Variants in GRAMD1C observed in about 807,000 individuals in gnomAD.
GRAMD1C encodes the protein protein Aster-C.
GRAMD1C carries 89 observed loss-of-function variants against 97.8 expected under a neutral mutation model. That is an observed-to-expected ratio of 0.91 (90% CI 0.77 to 1.09). The LOEUF (loss-of-function observed/expected upper bound fraction) is 1.09. GRAMD1C is among the 50% of genes least tolerant of loss of function. GRAMD1C has a pLI of 0.00. For synonymous variants in GRAMD1C, 256 were observed against 267.0 expected, an observed-to-expected ratio of 0.96 and a Z score of 0.40; for missense variants, 740 against 766.4, an observed-to-expected ratio of 0.97 and a Z score of 0.41.
intron 3 of GRAMD1C, 88 bp from the exon 4 acceptor site, chr3:113,875,396 T>A: frequency 1.5e-6 from 1 of 679,646 alleles, no homozygotes. Flanking sequence ...CAAAAAGTGA[T>A]GACTTTCCAT....
intron 7 of GRAMD1C, among the ~76,000 whole-genome samples, chr3:113,902,990 G>A (rs1872823): frequency 6.7e-6 from 1 of 148,824 alleles, no homozygotes; most frequent in African/African-American, 2.5e-5. Context: ...TTTTGGAGAT[G>A]GAGTCTCACT....
At chr3:113,855,966 G>A (rs1934110599) in intron 2 of GRAMD1C, among the ~76,000 whole-genome samples, 1 of 151,336 alleles carries the variant, frequency 6.6e-6, no homozygotes, top group Non-Finnish European at 1.5e-5. Flanking sequence ...TCAGCTCACT[G>A]CAACCTCCGC....
At chr3:113,875,029 T>C (rs767319701) in intron 3 of GRAMD1C, among the ~76,000 whole-genome samples, 8 of 152,214 alleles carry the variant, frequency 5.3e-5, no homozygotes, top group Non-Finnish European at 1.0e-4. Flanking sequence ...CCCAAAGATC[T>C]AATAGTTCCT....
chr3:113,933,386 GT>G, intron 11 of GRAMD1C, 124 bp from the exon 12 acceptor site: 1 of 655,512 alleles, frequency 1.5e-6, no homozygotes, highest in South Asian at 2.0e-5. Flanking sequence ...TTTTAGCTTT[GT>G]ATATAGGTTT....
At chr3:113,917,966 G>C (rs1013465509) in intron 10 of GRAMD1C, among the ~76,000 whole-genome samples, 1 of 147,508 alleles carries the variant, frequency 6.8e-6, no homozygotes, top group South Asian at 2.1e-4. Flanking sequence ...GCCTCCCAAA[G>C]AGCTGGGATT....
At chr3:113,874,256 T>C (rs972317690) in intron 3 of GRAMD1C, among the ~76,000 whole-genome samples, 2 of 152,224 alleles carry the variant, frequency 1.3e-5, no homozygotes, top group African/African-American at 4.8e-5. Context: ...CAGTACAGTT[T>C]ACATTCTCCA....
rs568873333 is a variant in GRAMD1C, at chr3:113,923,917, T to C, written c.1091-6797T>C. On this transcript the variant is annotated intron_variant, in intron 10 of 17. Coordinates refer to ENST00000358160, the MANE Select transcript of GRAMD1C (RefSeq NM_017577.5). ...TGAATCCATCGGGTCCTGGGCTTTTTTTGATTGATAGGTTTTTAATTACTG... is the reference window on the plus strand; with the variant it reads ...TGAATCCATCGGGTCCTGGGCTTTTCTTGATTGATAGGTTTTTAATTACTG... 1.8e-4 allele frequency among the ~76,000 whole-genome samples: 27 copies of C among 152,260 alleles called. No homozygotes were observed. The South Asian group carries it at 5.0e-3, about 28-fold the overall frequency.
At chr3:113,840,258 C>T (rs530862337) in intron 1 of GRAMD1C, among the ~76,000 whole-genome samples, 1 of 152,230 alleles carries the variant, frequency 6.6e-6, no homozygotes, top group South Asian at 2.1e-4. Flanking sequence ...GAGCCACCAC[C>T]GCGCCCGGCC....
chr3:113,884,645 A>C (rs111309210), intron 6 of GRAMD1C, among the ~76,000 whole-genome samples: 4,668 of 152,112 alleles, frequency 0.031, 230 homozygotes, highest in African/African-American at 0.11. Flanking sequence ...ATCCTGGCTA[A>C]CATGTGTTAT....
chr3:113,880,754 G>A (rs1430028988), intron 5 of GRAMD1C, among the ~76,000 whole-genome samples: 3 of 152,134 alleles, frequency 2.0e-5, no homozygotes, highest in Non-Finnish European at 1.5e-5. Flanking sequence ...ATTTTCATAT[G>A]TAATTCTTAT....
chr3:113,924,091 GT>G (rs34202021), intron 10 of GRAMD1C, among the ~76,000 whole-genome samples: 22,404 of 133,482 alleles, frequency 0.17, 1,793 homozygotes, highest in Non-Finnish European at 0.21. Context: ...AGTCTCTGGG[GT>G]TTTTTTTTTT....
chr3:113,875,672 T>C (rs764468691), intron 4 of GRAMD1C, 85 bp downstream of exon 4: 12 of 687,830 alleles, frequency 1.7e-5, no homozygotes, highest in Non-Finnish European at 2.9e-5. Context: ...CTTTAGATGA[T>C]TCCAAAGTAA....
chr3:113,945,439 A>G lies in GRAMD1C; in HGVS notation c.1950A>G (p.Leu650=). ...SLIMLQKTFD[L]LNKNKTGMAV... ...TTATGCTTCAGAAAACGTTTGATCT[A>G]CTAAATAAGAATAAGACTGGCATGG... Residue 650 remains leucine (L), a synonymous_variant, in exon 18 of 18, where the codon CTA becomes CTG. Coordinates refer to ENST00000358160, the MANE Select transcript of GRAMD1C (RefSeq NM_017577.5). The G allele has an allele frequency of 6.2e-7, 1 of 1,600,484 alleles. No homozygotes were observed.
chr3:113,908,957 G>T lies in GRAMD1C; in HGVS notation c.790-1G>T. 1.9e-6 allele frequency: 3 copies of T among 1,543,506 alleles called. No individual in the cohort carries two copies. Among genetic ancestry groups the T allele is most frequent in the East Asian group, 2.4e-5 (1 of 41,250 alleles). On this transcript the variant is annotated splice_acceptor_variant, in intron 8 of 17. Coordinates refer to ENST00000358160, the MANE Select transcript of GRAMD1C (RefSeq NM_017577.5). LOFTEE classifies it high-confidence loss of function. ...TTGAAACTGGATTGTTTACCTTTTAGGGATTAGGCAAAGAGGAGTCCCAAA... is the reference window on the plus strand; with the variant it reads ...TTGAAACTGGATTGTTTACCTTTTATGGATTAGGCAAAGAGGAGTCCCAAA...
chr3:113,842,684 C>T (rs979746863), intron 1 of GRAMD1C, among the ~76,000 whole-genome samples: 1 of 152,100 alleles, frequency 6.6e-6, no homozygotes, highest in Non-Finnish European at 1.5e-5. Context: ...CAAGTTTGGC[C>T]AGGTGCAGTG....
upstream of GRAMD1C, among the ~76,000 whole-genome samples, chr3:113,834,410 C>T (rs1049042062): frequency 2.0e-5 from 3 of 151,992 alleles, no homozygotes; most frequent in Non-Finnish European, 2.9e-5. Flanking sequence ...AACTCCTGAC[C>T]TCAAAGGATC....
chr3:113,884,604 G>A lies in GRAMD1C; in HGVS notation c.540+1772G>A, dbSNP rs563702541. Among the ~76,000 whole-genome samples the A allele has an allele frequency of 9.3e-4, 141 of 152,212 alleles. 1 individual carries two copies. The highest frequency in any genetic ancestry group is 1.2e-3 in the Non-Finnish European group (80 of 67,994). On this transcript the variant is annotated intron_variant, in intron 6 of 17. Coordinates refer to ENST00000358160, the MANE Select transcript of GRAMD1C (RefSeq NM_017577.5). ...TCCCAGCACTTTGGGAGGCCCAGGC[G>A]GGCGGATCACGAGGTCAGGAGATCG...
chr3:113,872,907 A>C (rs2107377679), intron 3 of GRAMD1C, among the ~76,000 whole-genome samples: 1 of 143,026 alleles, frequency 7.0e-6, no homozygotes, highest in African/African-American at 2.6e-5. Flanking sequence ...CCCTGTGTCT[A>C]CTAAAAATAC....
chr3:113,934,409 T>C (rs372497036), intron 12 of GRAMD1C, 23 bp from the exon 13 acceptor site: 2 of 1,041,624 alleles, frequency 1.9e-6, no homozygotes, highest in African/African-American at 3.2e-5. Flanking sequence ...TAAATAAATA[T>C]TCTTTCCTTC....
Sources: gnomAD v4.1 joint callset for allele counts (sites outside exome capture counted in the v4.1 genomes callset) on GRCh38, gnomAD v4.1.1 for gene constraint, MANE v1.5 for transcripts, NCBI Gene and HGNC (gene_info 2026-07-23, HGNC 2026-07-21) for gene names.